Variants in KCNE3 observed in about 807,000 individuals in gnomAD.
KCNE3 encodes the protein potassium voltage-gated channel subfamily E member 3.
A neutral mutation model predicts 4.3 loss-of-function variants in KCNE3; 2 were observed. That is an observed-to-expected ratio of 0.47 (90% CI 0.19 to 1.48). The LOEUF is 1.48. Ranked by LOEUF, KCNE3 falls within the 40% of genes most tolerant of loss-of-function variation. The pLI, the probability that KCNE3 is intolerant of heterozygous loss-of-function variation, is 0.25. For missense variants in KCNE3, 128 were observed against 136.8 expected (o/e 0.94, Z 0.32); for synonymous variants, 47 against 52.0 (o/e 0.90, Z 0.41).
rs113583236 is a variant in KCNE3 at position 74,456,155 on chromosome 11, A to AATATATATATATATATATATAT, written c.*1075_*1096dup. ...ACATGTGAAACCCTGTCTCTACTTA[A>AATATATATATATATATATATAT]ATATATATATATATATATATATATA... On this transcript the variant is annotated 3_prime_UTR_variant, in exon 3 of 3. Transcript: ENST00000310128. 9.9e-3 allele frequency: 1,112 copies of AATATATATATATATATATATAT among 112,858 alleles called. 24 individuals are homozygous for AATATATATATATATATATATAT. Among genetic ancestry groups the AATATATATATATATATATATAT allele is most frequent in the Middle Eastern group, 0.024 (5 of 210 alleles). The allele number at this position is 112,858 out of a possible 1,614,324, so 7.0% of individuals were successfully genotyped here.
chr11:74,467,077 C>T lies in KCNE3; in HGVS notation c.-190+321G>A, dbSNP rs774906022. ...TGCCAGCTGCAAGTGTTCGCTTGCACGTCTGTGGGTGTGGAGGAACTTTTC... is the reference window on the plus strand; with the variant it reads ...TGCCAGCTGCAAGTGTTCGCTTGCATGTCTGTGGGTGTGGAGGAACTTTTC... On this transcript the variant is annotated intron_variant, in intron 1 of 2. Transcript: ENST00000310128. The surrounding 1 kb of genome is among the most constrained non-coding windows in gnomAD (Gnocchi z 4.4). Among the ~76,000 whole-genome samples, 3 of 152,188 alleles carry T rather than the reference C, an allele frequency of 2.0e-5. No homozygotes were observed. Among genetic ancestry groups the T allele is most frequent in the African/African-American group, 7.2e-5 (3 of 41,458 alleles).
rs574562339 is a variant in KCNE3, at chr11:74,467,171, C to T, written c.-190+227G>A. Among the ~76,000 whole-genome samples, 1 of 152,300 alleles carries T rather than the reference C, an allele frequency of 6.6e-6. No homozygotes were observed. Among genetic ancestry groups the T allele is most frequent in the Non-Finnish European group, 1.5e-5 (1 of 68,016 alleles). On this transcript the variant is annotated intron_variant, in intron 1 of 2. Coordinates refer to ENST00000310128, the MANE Select transcript of KCNE3 (RefSeq NM_005472.5). This position sits in a 1 kb window ranked among gnomAD's most constrained non-coding sequence, Gnocchi z 4.4. ...CGGTTTCCAGACGGGGCGCGCAGAG[C>T]CCAGCTCCCTACTCCCACATGCTGC...
intron 2 of KCNE3, among the ~76,000 whole-genome samples, chr11:74,459,259 A>ATT (rs35194568): frequency 0.21 from 24,799 of 117,582 alleles, 4,240 homozygotes; most frequent in East Asian, 0.33. Context: ...TATAGAAAAC[A>ATT]TTTTTTTTTT....
Position 74,455,300 on chromosome 11 carries a change from C to T in KCNE3, c.*1952G>A, listed in dbSNP as rs957388037. The T allele has an allele frequency of 6.6e-6, 1 of 152,122 alleles. No homozygotes were observed. The highest frequency in any genetic ancestry group is 1.5e-5 in the Non-Finnish European group (1 of 68,042). The allele number at this position is 152,122 out of a possible 1,614,324, so 9.4% of individuals were successfully genotyped here. On this transcript the variant is annotated 3_prime_UTR_variant, in exon 3 of 3. Transcript: ENST00000310128. ...TGTTTCAATGGGTACTTCCAGGGAC[C>T]GCATGGAGATCCCTTAAGTTGAAAC...
intron 1 of KCNE3, among the ~76,000 whole-genome samples, chr11:74,463,346 T>C (rs1241543008): frequency 6.6e-6 from 1 of 152,066 alleles, no homozygotes; most frequent in African/African-American, 2.4e-5. Flanking sequence ...GCTGGGTTTG[T>C]ATGGGAGGGA....
At chr11:74,465,826 A>T (rs1397009168) in intron 1 of KCNE3, among the ~76,000 whole-genome samples, 3 of 152,174 alleles carry the variant, frequency 2.0e-5, no homozygotes, top group Non-Finnish European at 2.9e-5. Context: ...CAAACATACA[A>T]GATAATTATC....
intron 1 of KCNE3, chr11:74,462,604 G>C (rs1438561196): frequency 1.3e-5 from 2 of 152,230 alleles, no homozygotes; most frequent in East Asian, 3.8e-4. Context: ...GTCACAGAAT[G>C]AACACTATCT....
At chr11:74,466,282 C>A (rs1333695716) in intron 1 of KCNE3, among the ~76,000 whole-genome samples, 1 of 152,140 alleles carries the variant, frequency 6.6e-6, no homozygotes, top group Admixed American at 6.5e-5. Context: ...TTTGAGCACT[C>A]GCACATTAAG....
intron 1 of KCNE3, chr11:74,462,833 T>G (rs1863983854): frequency 6.6e-6 from 1 of 152,222 alleles, no homozygotes; most frequent in African/African-American, 2.4e-5. Flanking sequence ...TTCCCTTTTC[T>G]GGGCCTCAGC....
In KCNE3 at chr11:74,467,322, TGGAA is replaced by T. The variant is rs1364683617; in HGVS notation, c.-190+72_-190+75del. 2.0e-5 allele frequency: 3 copies of T among 152,566 alleles called. No individual in the cohort carries two copies. The highest frequency in any genetic ancestry group is 4.4e-5 in the Non-Finnish European group (3 of 68,076). 9.5% of individuals were successfully genotyped at this position (152,566 alleles called of 1,614,324 possible). On this transcript the variant is annotated intron_variant, in intron 1 of 2. Coordinates refer to ENST00000310128, the MANE Select transcript of KCNE3 (RefSeq NM_005472.5). This position sits in a 1 kb window ranked among gnomAD's most constrained non-coding sequence, Gnocchi z 4.4. The stretch of plus-strand genomic sequence containing the variant: ...CTCACGGAGAGCGCGCCGTGGCCCT[TGGAA>T]GGGAGGCGGGAAGACCCCTCATTTC...
intron 2 of KCNE3, among the ~76,000 whole-genome samples, chr11:74,459,531 G>T (rs1038602013): frequency 6.6e-6 from 1 of 152,010 alleles, no homozygotes. Context: ...CAAAGTGCTG[G>T]GATTACAGGC....
At chr11:74,464,605 C>T (rs1353503178) in intron 1 of KCNE3, among the ~76,000 whole-genome samples, 1 of 152,186 alleles carries the variant, frequency 6.6e-6, no homozygotes, top group Non-Finnish European at 1.5e-5. Flanking sequence ...GACCCTCCTC[C>T]CCAAGGGAAT....
intron 1 of KCNE3, among the ~76,000 whole-genome samples, chr11:74,465,040 T>C (rs1267407489): frequency 6.6e-6 from 1 of 152,182 alleles, no homozygotes; most frequent in Non-Finnish European, 1.5e-5. Flanking sequence ...TCTCTCCCTC[T>C]TGTTTTTTCC....
rs576194631 is a variant in KCNE3, at chr11:74,455,304, T to C, written c.*1948A>G. 6.6e-6 allele frequency: 1 copy of C among 152,324 alleles called. No individual in the cohort carries two copies. Among genetic ancestry groups the C allele is most frequent in the East Asian group, 1.9e-4 (1 of 5,184 alleles). 9.4% of individuals were successfully genotyped at this position (152,324 alleles called of 1,614,324 possible). Reference sequence around the variant, plus strand: ...TCAATGGGTACTTCCAGGGACCGCATGGAGATCCCTTAAGTTGAAACTGGA... The same window carrying C: ...TCAATGGGTACTTCCAGGGACCGCACGGAGATCCCTTAAGTTGAAACTGGA... On this transcript the variant is annotated 3_prime_UTR_variant, in exon 3 of 3. Transcript: ENST00000310128.
chr11:74,457,396 G>C lies in KCNE3; in HGVS notation c.168C>G (p.Asn56Lys), dbSNP rs545135414. 1 of 1,614,060 alleles carries C rather than the reference G, an allele frequency of 6.2e-7. No homozygotes were observed. The highest frequency in any genetic ancestry group is 1.1e-5 in the South Asian group (1 of 91,082). The stretch of plus-strand genomic sequence containing the variant: ...TGACAAAGAGAATGTACATGTAGGA[G>C]TTGTCATCACGGCCAGGTAGGCTGG... ...RRASLPGRDD[N>K]SYMYILFVMF... Residue 56 changes from asparagine (N) to lysine (K), a missense_variant, in exon 3 of 3, where the codon AAC becomes AAG. By Grantham distance (94) the Asn-to-Lys change is moderately conservative. Coordinates refer to ENST00000310128, the MANE Select transcript of KCNE3 (RefSeq NM_005472.5).
intron 1 of KCNE3, among the ~76,000 whole-genome samples, chr11:74,464,914 C>G (rs779086201): frequency 4.6e-5 from 7 of 152,172 alleles, no homozygotes; most frequent in Non-Finnish European, 8.8e-5. Flanking sequence ...AACAAGAATG[C>G]CCTTCCTCTT....
chr11:74,459,480 T>C (rs1042674262), intron 2 of KCNE3, among the ~76,000 whole-genome samples: 1 of 152,038 alleles, frequency 6.6e-6, no homozygotes, highest in Non-Finnish European at 1.5e-5. Context: ...GCCAGGATGG[T>C]CTCGATCTCC....
intron 2 of KCNE3, among the ~76,000 whole-genome samples, chr11:74,458,836 A>C (rs1194908614): frequency 6.6e-6 from 1 of 151,924 alleles, no homozygotes; most frequent in African/African-American, 2.4e-5. Context: ...TTTGTCTCAA[A>C]AGAAAAAAAA....
intron 1 of KCNE3, among the ~76,000 whole-genome samples, chr11:74,465,067 G>A (rs758469576): frequency 3.3e-5 from 5 of 151,852 alleles, no homozygotes; most frequent in South Asian, 2.1e-4. Context: ...TGCTTTGCAC[G>A]AAGGCTTATT....
Sources: allele counts gnomAD v4.1 joint callset (sites outside exome capture counted in the v4.1 genomes callset), GRCh38; gene constraint gnomAD v4.1.1; non-coding constraint Gnocchi (gnomAD v3.1); transcripts MANE v1.5; gene names NCBI Gene and HGNC (gene_info 2026-07-23, HGNC 2026-07-21).